Variants in PIN4 observed in about 807,000 individuals in gnomAD.
The protein encoded by PIN4 is peptidylprolyl cis/trans isomerase, NIMA-interacting 4, also known as peptidyl-prolyl cis-trans isomerase NIMA-interacting 4.
PIN4 carries 3 observed loss-of-function variants against 8.3 expected under a neutral mutation model. That is an observed-to-expected ratio of 0.36 (90% confidence interval 0.16 to 0.93). The LOEUF (loss-of-function observed/expected upper bound fraction) is 0.93, where lower values mean the gene tolerates loss of function less well. Among genes scored for constraint, PIN4 ranks in the 40% least tolerant of loss-of-function variants. PIN4 has a pLI of 0.44. For synonymous variants in PIN4, 18 were observed against 32.5 expected (o/e 0.55, Z 1.52); for missense variants, 75 against 100.6 (o/e 0.75, Z 1.09).
At chrX:72,209,843 A>C (rs2042842371) in intron 3 of PIN4, among the ~76,000 whole-genome samples, 2 of 111,631 alleles carry the variant, frequency 1.8e-5, no homozygotes, top group African/African-American at 6.5e-5. Context: ...CGCCAAAATA[A>C]TTCACTGGGG....
At chrX:72,205,882 T>G in intron 3 of PIN4, 1 of 1,211,309 alleles carries the variant, frequency 8.3e-7, no homozygotes, top group Non-Finnish European at 1.1e-6. Context: ...TTGTCTGTTG[T>G]CTGCTGAGTC....
At chrX:72,220,140 T>C (rs948208239) in intron 3 of PIN4, among the ~76,000 whole-genome samples, 2 of 110,535 alleles carry the variant, frequency 1.8e-5, no homozygotes, top group Non-Finnish European at 3.8e-5. Flanking sequence ...TTTTTGTCCT[T>C]TAGTTTTTAG....
chrX:72,198,075 A>G lies in PIN4; in HGVS notation c.*549A>G. On this transcript the variant is annotated 3_prime_UTR_variant, in exon 4 of 4. Coordinates refer to ENST00000373669, the MANE Select transcript of PIN4 (RefSeq NM_006223.4). ...CTCCTTTCTTTTTAAATAAATGTTTATTGGAGGAAAAAAGCACTCAGTTGT... is the reference window on the plus strand; with the variant it reads ...CTCCTTTCTTTTTAAATAAATGTTTGTTGGAGGAAAAAAGCACTCAGTTGT... The G allele has an allele frequency of 6.7e-6, 5 of 751,423 alleles. No homozygotes were observed. The highest frequency in any genetic ancestry group is 7.9e-6 in the Non-Finnish European group (5 of 636,839). The allele number at this position is 751,423 out of a possible 1,213,427, so 61.9% of individuals were successfully genotyped here.
At chrX:72,184,077 A>G (rs2147564608) in intron 1 of PIN4, among the ~76,000 whole-genome samples, 1 of 112,641 alleles carries the variant, frequency 8.9e-6, no homozygotes, top group East Asian at 2.8e-4. Flanking sequence ...AGTACTATGC[A>G]ATTGGCACAA....
At chrX:72,187,936 T>C (rs1005735328) in intron 2 of PIN4, among the ~76,000 whole-genome samples, 1 of 112,611 alleles carries the variant, frequency 8.9e-6, no homozygotes, top group Non-Finnish European at 1.9e-5. Context: ...CAGCCATACA[T>C]GTGTAGCCTA....
chrX:72,248,787 G>A (rs141869142), intron 3 of PIN4, among the ~76,000 whole-genome samples: 1,408 of 110,998 alleles, frequency 0.013, 15 homozygotes, highest in Non-Finnish European at 0.019. Context: ...TGAGTCAGGA[G>A]AATCTCTTGA....
downstream of PIN4, among the ~76,000 whole-genome samples, chrX:72,202,264 A>G (rs2042792973): frequency 1.8e-5 from 2 of 112,708 alleles, no homozygotes; most frequent in African/African-American, 3.2e-5. Flanking sequence ...AATCCCTGCC[A>G]TGGATACTGT....
chrX:72,215,110 C>A (rs1445082912), intron 3 of PIN4, among the ~76,000 whole-genome samples: 1 of 112,124 alleles, frequency 8.9e-6, no homozygotes, highest in African/African-American at 3.2e-5. Flanking sequence ...CAAAAACATG[C>A]TGAGGAAAAG....
chrX:72,183,356 T>C (rs1391331742), intron 1 of PIN4, among the ~76,000 whole-genome samples: 2 of 111,522 alleles, frequency 1.8e-5, no homozygotes, highest in Non-Finnish European at 3.8e-5. Flanking sequence ...GTCGCTAACT[T>C]ATAGATGGTA....
chrX:72,228,102 G>A (rs748015772), intron 3 of PIN4, among the ~76,000 whole-genome samples: 20 of 111,889 alleles, frequency 1.8e-4, no homozygotes, highest in African/African-American at 5.2e-4. Context: ...CTAGCCAATC[G>A]GGACAAATAC....
intron 3 of PIN4, among the ~76,000 whole-genome samples, chrX:72,260,410 C>A (rs1187607779): frequency 1.8e-5 from 2 of 112,565 alleles, no homozygotes; most frequent in African/African-American, 3.2e-5. Flanking sequence ...CTTTGCAGAC[C>A]CTTTCACTCT....
chrX:72,229,104 C>G (rs890917227), intron 3 of PIN4, among the ~76,000 whole-genome samples: 1 of 111,600 alleles, frequency 9.0e-6, no homozygotes, highest in African/African-American at 3.3e-5. Flanking sequence ...CCTCAAGCCT[C>G]AAGACTCTCC....
At chrX:72,191,504 TTG>T (rs1303808825) in intron 2 of PIN4, among the ~76,000 whole-genome samples, 2 of 110,951 alleles carry the variant, frequency 1.8e-5, no homozygotes, top group African/African-American at 3.3e-5. Flanking sequence ...TGAGCTGAGA[TTG>T]CGCCACTGCA....
intron 1 of PIN4, chrX:72,186,217 ATT>A (rs201019008): frequency 2.8e-3 from 995 of 350,580 alleles, no homozygotes; most frequent in East Asian, 4.4e-3. Flanking sequence ...TTTATTTGTG[ATT>A]TTTTTTTTTT....
chrX:72,202,532 G>A (rs1027675515), downstream of PIN4, among the ~76,000 whole-genome samples: 6 of 112,020 alleles, frequency 5.4e-5, no homozygotes, highest in Non-Finnish European at 7.5e-5. Context: ...TGTGGTAGAA[G>A]GGACAGAAAA....
chrX:72,253,984 A>AAAAAGAAAAG (rs750371906), intron 3 of PIN4, among the ~76,000 whole-genome samples: 1 of 110,835 alleles, frequency 9.0e-6, no homozygotes, highest in African/African-American at 3.3e-5. Flanking sequence ...AAAATAAAAG[A>AAAAAGAAAAG]AAAAGAAAAG....
downstream of PIN4, among the ~76,000 whole-genome samples, chrX:72,203,119 C>T (rs2042797053): frequency 9.0e-6 from 1 of 111,375 alleles, no homozygotes; most frequent in Non-Finnish European, 1.9e-5. Context: ...ATCATGCCTC[C>T]CTAAGGAAAC....
chrX:72,206,961 G>A, intron 3 of PIN4: 1 of 1,210,524 alleles, frequency 8.3e-7, no homozygotes, highest in Non-Finnish European at 1.1e-6. Flanking sequence ...TTATTAATGA[G>A]TCCTTGAAAA....
intron 2 of PIN4, among the ~76,000 whole-genome samples, chrX:72,193,203 C>T (rs1453601749): frequency 2.7e-5 from 3 of 111,535 alleles, no homozygotes; most frequent in Non-Finnish European, 3.8e-5. Flanking sequence ...AAATGGTGGA[C>T]GGTATCCCCT....
Sources: allele counts gnomAD v4.1 joint callset (sites outside exome capture counted in the v4.1 genomes callset), GRCh38; gene constraint gnomAD v4.1.1; transcripts MANE v1.5; gene names NCBI Gene and HGNC (gene_info 2026-07-23, HGNC 2026-07-21).